CENPP: variants seen among roughly 807,000 people sequenced by gnomAD.
CENPP encodes centromere protein P.
Under a neutral mutation model 35.6 loss-of-function variants are expected in CENPP, and 24 were observed. The ratio of observed to expected loss-of-function variants is 0.67; its 90% CI spans 0.49 to 0.95. The LOEUF (loss-of-function observed/expected upper bound fraction) is 0.95. Among genes scored for constraint, CENPP ranks in the 40% least tolerant of loss-of-function variants. The probability of loss-of-function intolerance (pLI) is 0.00; values close to 1 mark genes in which losing one functional copy is unlikely to be tolerated. For missense variants in CENPP, 332 were observed against 345.3 expected (o/e 0.96, Z 0.31); for synonymous variants, 120 against 125.5 (o/e 0.96, Z 0.29).
At chr9:92,408,127 T>A (rs1843355612) in intron 5 of CENPP, among the ~76,000 whole-genome samples, 1 of 152,196 alleles carries the variant, frequency 6.6e-6, no homozygotes, top group African/African-American at 2.4e-5. Context: ...TCATCTTCAT[T>A]CTCTAACTTT....
chr9:92,533,328 A>AAAT (rs1554683138), intron 5 of CENPP, among the ~76,000 whole-genome samples: 58 of 38,342 alleles, frequency 1.5e-3, no homozygotes, highest in Non-Finnish European at 2.2e-3. Context: ...AAAAAAAAAA[A>AAAT]ATATATATAT....
intron 5 of CENPP, among the ~76,000 whole-genome samples, chr9:92,587,553 G>A (rs139389204): frequency 4.0e-4 from 61 of 152,336 alleles, no homozygotes; most frequent in African/African-American, 1.4e-3. Flanking sequence ...ATGAAATACT[G>A]ATGAACCTTG....
rs889274980 is a variant in CENPP, at chr9:92,619,125, G to A, written c.*5976G>A. 3.3e-5 allele frequency: 8 copies of A among 242,452 alleles called. No homozygotes were observed. Among genetic ancestry groups the A allele is most frequent in the African/African-American group, 1.3e-4 (6 of 45,260 alleles). 15.0% of individuals were successfully genotyped at this position (242,452 alleles called of 1,614,324 possible). ...CATGCTGCCACTGTGGGAGACCGAG[G>A]AACAAGGGCCACAGGTACCCACACA... On this transcript the variant is annotated 3_prime_UTR_variant, in exon 8 of 8. Transcript: ENST00000375587.
chr9:92,395,239 G>C (rs762412894), intron 5 of CENPP, among the ~76,000 whole-genome samples: 1 of 152,026 alleles, frequency 6.6e-6, no homozygotes, highest in Non-Finnish European at 1.5e-5. Flanking sequence ...CCTGCTTTTG[G>C]TCAGTATACA....
At chr9:92,432,731 CT>C (rs1419599754) in intron 5 of CENPP, among the ~76,000 whole-genome samples, 4 of 152,194 alleles carry the variant, frequency 2.6e-5, no homozygotes, top group African/African-American at 9.6e-5. Flanking sequence ...TTCAAAGTTT[CT>C]TCTACAATGA....
At chr9:92,407,125 T>A (rs1253560844) in intron 5 of CENPP, among the ~76,000 whole-genome samples, 1 of 152,224 alleles carries the variant, frequency 6.6e-6, no homozygotes, top group African/African-American at 2.4e-5. Context: ...CGTTGATATG[T>A]GGCAGTGTAT....
At chr9:92,355,218 A>G (rs1324907031) in intron 4 of CENPP, among the ~76,000 whole-genome samples, 3 of 152,148 alleles carry the variant, frequency 2.0e-5, no homozygotes, top group Non-Finnish European at 4.4e-5. Context: ...ACCAGGGCGT[A>G]TCTCAGTCCT....
rs376470384 is a variant in CENPP, at chr9:92,416,709, C to G, written c.564+36850C>G. 85 of 1,613,140 alleles carry G rather than the reference C, an allele frequency of 5.3e-5. No individual in the cohort carries two copies. Among genetic ancestry groups the G allele is most frequent in the Non-Finnish European group, 6.6e-5 (78 of 1,179,488 alleles). ...AATTTGTTGTGTCCAACACTGAGTTCTACAATGTTGGGAAGATTAAAAATA... is the reference window on the plus strand; with the variant it reads ...AATTTGTTGTGTCCAACACTGAGTTGTACAATGTTGGGAAGATTAAAAATA... On this transcript the variant is annotated intron_variant, in intron 5 of 7. Transcript: ENST00000375587.
intron 5 of CENPP, among the ~76,000 whole-genome samples, chr9:92,533,312 A>ATATATAT: frequency 1.1e-5 from 1 of 88,680 alleles, no homozygotes; most frequent in African/African-American, 4.7e-5. Flanking sequence ...ACAAAAAAAA[A>ATATATAT]AAAAAAAAAA....
Position 92,332,261 on chromosome 9 carries a change from C to T in CENPP, c.199C>T (p.Leu67Phe). 6.2e-7 allele frequency: 1 copy of T among 1,612,744 alleles called. No individual in the cohort carries two copies. Among genetic ancestry groups the T allele is most frequent in the Non-Finnish European group, 8.5e-7 (1 of 1,179,222 alleles). The change falls in exon 2 of 8, where the codon CTT (leucine) becomes TTT (phenylalanine). Residue 67 changes from leucine (L) to phenylalanine (F), a missense_variant. Transcript: ENST00000375587. ...TCAGCTTGGACATTTAGAATCAGAA[C>T]TTTCATTTCTAAGTACGCTTACTGG... Reference protein sequence around the residue: ...KNQLGHLESELSFLSTLTGIN... With the variant: ...KNQLGHLESEFSFLSTLTGIN...
chr9:92,393,909 CATG>C (rs1842787750), intron 5 of CENPP, among the ~76,000 whole-genome samples: 1 of 152,108 alleles, frequency 6.6e-6, no homozygotes, highest in South Asian at 2.1e-4. Flanking sequence ...TCCAAAAGCA[CATG>C]ATATCTGTTT....
chr9:92,351,058 AT>A (rs888029793), intron 4 of CENPP, among the ~76,000 whole-genome samples: 1 of 152,212 alleles, frequency 6.6e-6, no homozygotes, highest in Admixed American at 6.5e-5. Flanking sequence ...TTGTTTTCCT[AT>A]TTTTTTACTG....
At chr9:92,387,087 G>C (rs1223408208) in intron 5 of CENPP, among the ~76,000 whole-genome samples, 1 of 144,974 alleles carries the variant, frequency 6.9e-6, no homozygotes, top group East Asian at 2.1e-4. Flanking sequence ...AAATGTGTGT[G>C]CTTAGCCGGG....
chr9:92,462,693 G>T (rs1393073975), intron 5 of CENPP, among the ~76,000 whole-genome samples: 5 of 152,116 alleles, frequency 3.3e-5, no homozygotes, highest in Non-Finnish European at 5.9e-5. Context: ...ATAAACTAGG[G>T]AGCAGAAAAA....
chr9:92,590,024 G>C (rs376552667), intron 5 of CENPP, among the ~76,000 whole-genome samples: 1 of 152,106 alleles, frequency 6.6e-6, no homozygotes, highest in African/African-American at 2.4e-5. Flanking sequence ...TTGTTTCTTC[G>C]CCCCACTTTA....
intron 1 of CENPP, among the ~76,000 whole-genome samples, chr9:92,331,705 T>C (rs1412321643): frequency 1.3e-5 from 2 of 152,236 alleles, no homozygotes; most frequent in African/African-American, 2.4e-5. Context: ...ATCACGCCTG[T>C]AATCCAGCAC....
chr9:92,466,627 A>G, intron 5 of CENPP: 2 of 1,408,910 alleles, frequency 1.4e-6, no homozygotes, highest in Non-Finnish European at 2.0e-6. Flanking sequence ...ATTTACCAGT[A>G]TTCTACAGTG....
intron 2 of CENPP, among the ~76,000 whole-genome samples, chr9:92,336,919 A>G (rs1285184458): frequency 1.3e-5 from 2 of 152,234 alleles, no homozygotes; most frequent in Non-Finnish European, 2.9e-5. Context: ...GCCTTTAAGT[A>G]CTAGATAGTG....
At chr9:92,466,416 A>G in intron 5 of CENPP, 1 of 1,610,868 alleles carries the variant, frequency 6.2e-7, no homozygotes, top group Non-Finnish European at 8.5e-7. Flanking sequence ...TCTTAACTTT[A>G]TTTTCATGAA....
Sources: allele counts gnomAD v4.1 joint callset (sites outside exome capture counted in the v4.1 genomes callset), GRCh38; gene constraint gnomAD v4.1.1; transcripts MANE v1.5; gene names NCBI Gene and HGNC (gene_info 2026-07-23, HGNC 2026-07-21).